SHISA9: variants seen among roughly 807,000 people sequenced by gnomAD.
SHISA9 encodes the protein shisa family member 9.
Under a neutral mutation model 38.0 loss-of-function variants are expected in SHISA9, and 13 were observed. The ratio of observed to expected loss-of-function variants is 0.34; its 90% confidence interval spans 0.22 to 0.54. The LOEUF is 0.54. Ranked by LOEUF, SHISA9 falls within the 20% of genes least tolerant of loss-of-function variation. The probability of loss-of-function intolerance (pLI) is 0.91; values close to 1 mark genes in which losing one functional copy is unlikely to be tolerated. For missense variants in SHISA9, 538 were observed against 575.8 expected (o/e 0.93, Z 0.67); for synonymous variants, 275 against 242.0 (o/e 1.14, Z -1.27).
At chr16:13,461,628 T>G in the SHISA9 span, among the ~76,000 whole-genome samples, 2 of 146,354 alleles carry the variant, frequency 1.4e-5, no homozygotes, top group Non-Finnish European at 3.0e-5. Context: ...TTTTAATTTT[T>G]TTTTTTTTTT....
the SHISA9 span, among the ~76,000 whole-genome samples, chr16:13,366,785 C>A: frequency 6.6e-6 from 1 of 152,072 alleles, no homozygotes; most frequent in African/African-American, 2.4e-5. Flanking sequence ...TCAGTTGAGA[C>A]CAGCCTGGCC....
At chr16:13,286,997 AACTCATTACCTCTTCGATTC>A in the SHISA9 span, among the ~76,000 whole-genome samples, 2 of 152,078 alleles carry the variant, frequency 1.3e-5, no homozygotes, top group Non-Finnish European at 1.5e-5. Flanking sequence ...AATTTTTTTT[AACTCATTACCTCTTCGATTC>A]ACTCATTAAA....
chr16:13,117,168 G>T (rs1232466059), intron 2 of SHISA9, among the ~76,000 whole-genome samples: 1 of 152,074 alleles, frequency 6.6e-6, no homozygotes, highest in African/African-American at 2.4e-5. Context: ...TGGAGACAGG[G>T]TTTCACCATG....
rs79738910 is a variant in SHISA9 at position 12,994,800 on chromosome 16, G to C, written c.691+77985G>C. On this transcript the variant is annotated intron_variant, in intron 2 of 4. Transcript: ENST00000558583. ...GAAAATGGAGGTGGCAAGGATGTCC[G>C]TATCTTTGGCATAGACAGCTGGGTG... Among the ~76,000 whole-genome samples, 71 of 152,258 alleles carry C rather than the reference G, an allele frequency of 4.7e-4. 1 individual carries two copies. In the East Asian group the frequency reaches 0.013, roughly 27 times the overall value.
intron 4 of SHISA9, among the ~76,000 whole-genome samples, chr16:13,229,862 A>G (rs191221478): frequency 5.9e-5 from 9 of 152,332 alleles, no homozygotes; most frequent in African/African-American, 1.7e-4. Context: ...GAGTAACAGT[A>G]AACCTGGTGC....
intron 2 of SHISA9, among the ~76,000 whole-genome samples, chr16:13,132,811 T>C (rs1427793248): frequency 2.0e-5 from 3 of 152,218 alleles, no homozygotes; most frequent in Non-Finnish European, 4.4e-5. Context: ...AGAAAAATTC[T>C]GGGAAAAAGT....
At chr16:13,338,607 G>T in the SHISA9 span, among the ~76,000 whole-genome samples, 1 of 152,122 alleles carries the variant, frequency 6.6e-6, no homozygotes, top group Non-Finnish European at 1.5e-5. Flanking sequence ...CTTCTACACT[G>T]CACGTCCTGC....
At chr16:13,337,295 T>C in the SHISA9 span, among the ~76,000 whole-genome samples, 1 of 152,312 alleles carries the variant, frequency 6.6e-6, no homozygotes, top group East Asian at 1.9e-4. Context: ...GTTCTCATGG[T>C]AGTGAATAAG....
chr16:13,040,252 A>G (rs1000033954), intron 2 of SHISA9, among the ~76,000 whole-genome samples: 2 of 152,136 alleles, frequency 1.3e-5, no homozygotes, highest in African/African-American at 4.8e-5. Context: ...CTGCTCTTCT[A>G]TCCCTCCTTT....
chr16:13,105,475 A>G (rs910955081), intron 2 of SHISA9, among the ~76,000 whole-genome samples: 4 of 152,034 alleles, frequency 2.6e-5, no homozygotes, highest in Non-Finnish European at 4.4e-5. Flanking sequence ...TATTTTTGCA[A>G]TGCTTCTCAT....
At chr16:13,101,559 G>T (rs2073879324) in intron 2 of SHISA9, among the ~76,000 whole-genome samples, 1 of 152,164 alleles carries the variant, frequency 6.6e-6, no homozygotes, top group Admixed American at 6.5e-5. Context: ...TTGGGTTGAT[G>T]GTCTTATTTA....
chr16:13,189,942 A>G (rs2050866708), intron 2 of SHISA9, among the ~76,000 whole-genome samples: 2 of 152,156 alleles, frequency 1.3e-5, no homozygotes, highest in Admixed American at 6.5e-5. Flanking sequence ...AGGGACGCAG[A>G]GGGAGGAGAA....
the SHISA9 span, among the ~76,000 whole-genome samples, chr16:13,256,800 G>T: frequency 2.0e-5 from 3 of 152,166 alleles, no homozygotes; most frequent in African/African-American, 7.2e-5. Flanking sequence ...TATAATAAGG[G>T]TTATTGAGGA....
chr16:13,171,230 C>T (rs1308409183), intron 2 of SHISA9, among the ~76,000 whole-genome samples: 1 of 152,150 alleles, frequency 6.6e-6, no homozygotes, highest in Non-Finnish European at 1.5e-5. Flanking sequence ...CCAAGCCATT[C>T]ATGAGGGATC....
the SHISA9 span, among the ~76,000 whole-genome samples, chr16:13,302,673 T>C: frequency 2.0e-5 from 3 of 152,168 alleles, no homozygotes; most frequent in Non-Finnish European, 4.4e-5. Context: ...CCCACTTCCA[T>C]CTAGATAATC....
the SHISA9 span, among the ~76,000 whole-genome samples, chr16:13,466,569 T>C: frequency 6.6e-6 from 1 of 152,180 alleles, no homozygotes; most frequent in African/African-American, 2.4e-5. Context: ...GTTGTTGTTG[T>C]TGTTGTTGTT....
chr16:13,084,316 G>A (rs1158107102), intron 2 of SHISA9, among the ~76,000 whole-genome samples: 1 of 152,164 alleles, frequency 6.6e-6, no homozygotes, highest in Non-Finnish European at 1.5e-5. Flanking sequence ...GGGAGCTGCT[G>A]TTGCTTTGTG....
At chr16:13,022,129 G>A (rs1381498748) in intron 2 of SHISA9, among the ~76,000 whole-genome samples, 2 of 151,884 alleles carry the variant, frequency 1.3e-5, no homozygotes, top group Non-Finnish European at 2.9e-5. Flanking sequence ...TTCTGTATCT[G>A]CGTGTCTCAA....
the SHISA9 span, among the ~76,000 whole-genome samples, chr16:13,261,802 A>G: frequency 1.3e-5 from 2 of 152,208 alleles, no homozygotes; most frequent in Admixed American, 1.3e-4. Flanking sequence ...CATGAGCCCA[A>G]GAGGACTGTG....
Sources: gnomAD v4.1 joint callset for allele counts (sites outside exome capture counted in the v4.1 genomes callset) on GRCh38, gnomAD v4.1.1 for gene constraint, MANE v1.5 for transcripts, NCBI Gene and HGNC (gene_info 2026-07-23, HGNC 2026-07-21) for gene names.